Variants in ARHGAP42 observed in about 807,000 individuals in gnomAD.
ARHGAP42 encodes the protein rho GTPase-activating protein 42.
ARHGAP42 carries 63 observed loss-of-function variants against 125.0 expected under a neutral mutation model. The ratio of observed to expected loss-of-function variants is 0.50; its 90% CI spans 0.41 to 0.62. The LOEUF is 0.62. Among genes scored for constraint, ARHGAP42 ranks in the 20% least tolerant of loss-of-function variants. ARHGAP42 has a pLI of 0.00. For missense variants in ARHGAP42, 766 were observed against 1,024.2 expected, an observed-to-expected ratio of 0.75 and a Z score of 3.44; for synonymous variants, 339 against 351.0, an observed-to-expected ratio of 0.97 and a Z score of 0.38.
chr11:100,783,937 G>A (rs908345742), intron 2 of ARHGAP42, among the ~76,000 whole-genome samples: 1 of 151,976 alleles, frequency 6.6e-6, no homozygotes, highest in African/African-American at 2.4e-5. Flanking sequence ...ATAGAAGGGG[G>A]GTCAAAAAAT....
intron 3 of ARHGAP42, among the ~76,000 whole-genome samples, chr11:100,831,692 G>C (rs1864666847): frequency 1.3e-5 from 2 of 152,294 alleles, no homozygotes; most frequent in East Asian, 3.9e-4. Flanking sequence ...ATGGTGGTCT[G>C]TAGATAGGTT....
chr11:100,911,848 G>A (rs1866928078), intron 4 of ARHGAP42, among the ~76,000 whole-genome samples: 1 of 151,982 alleles, frequency 6.6e-6, no homozygotes, highest in Non-Finnish European at 1.5e-5. Context: ...GTTTATCTTG[G>A]TAGGACCACA....
Position 100,750,304 on chromosome 11 carries a change from C to T in ARHGAP42, c.155-20039C>T, listed in dbSNP as rs574990185. The stretch of plus-strand genomic sequence containing the variant: ...GGAAGGGGTTCTTATTCCTGATGCA[C>T]GTGGCCCCTGCTGCTGTGTCTTTCC... On this transcript the variant is annotated intron_variant, in intron 1 of 23. Coordinates refer to ENST00000298815, the MANE Select transcript of ARHGAP42 (RefSeq NM_152432.4). Among the ~76,000 whole-genome samples the T allele has an allele frequency of 5.3e-5, 8 of 152,224 alleles. No individual in the cohort carries two copies. In the East Asian group the frequency reaches 1.2e-3, roughly 22 times the overall value.
chr11:100,695,506 T>C (rs1206238040), intron 1 of ARHGAP42, among the ~76,000 whole-genome samples: 1 of 152,172 alleles, frequency 6.6e-6, no homozygotes. Flanking sequence ...GGTTTCACCA[T>C]GTTGGTCAGG....
At chr11:100,708,577 A>G (rs1445142890) in intron 1 of ARHGAP42, among the ~76,000 whole-genome samples, 2 of 152,212 alleles carry the variant, frequency 1.3e-5, no homozygotes, top group Non-Finnish European at 2.9e-5. Flanking sequence ...AGTGGATATT[A>G]TAATGACACT....
intron 1 of ARHGAP42, among the ~76,000 whole-genome samples, chr11:100,761,977 G>A (rs900205743): frequency 2.0e-5 from 3 of 152,242 alleles, no homozygotes; most frequent in Non-Finnish European, 1.5e-5. Context: ...ACACATGGCA[G>A]TAAGTGGTGA....
At chr11:100,967,958 G>A (rs1478780861) in intron 17 of ARHGAP42, among the ~76,000 whole-genome samples, 2 of 152,158 alleles carry the variant, frequency 1.3e-5, no homozygotes, top group Admixed American at 6.5e-5. Context: ...TCTTGACCTC[G>A]TGATGCACCC....
intron 9 of ARHGAP42, among the ~76,000 whole-genome samples, chr11:100,943,027 T>G (rs12418330): frequency 0.05 from 7,541 of 152,128 alleles, 327 homozygotes; most frequent in East Asian, 0.25. Context: ...GACTGGCATC[T>G]CAGTGACAAA....
intron 1 of ARHGAP42, among the ~76,000 whole-genome samples, chr11:100,751,654 G>T (rs1298376059): frequency 6.6e-6 from 1 of 151,560 alleles, no homozygotes; most frequent in East Asian, 1.9e-4. Flanking sequence ...AACACACTGA[G>T]GTCTTAACAC....
At chr11:100,844,714 A>G (rs561295162) in intron 3 of ARHGAP42, among the ~76,000 whole-genome samples, 2 of 145,776 alleles carry the variant, frequency 1.4e-5, no homozygotes, top group East Asian at 3.9e-4. Flanking sequence ...ACTAATGATC[A>G]GGGAAATGCA....
chr11:100,936,604 C>G (rs1300855740), intron 8 of ARHGAP42, among the ~76,000 whole-genome samples: 2 of 152,156 alleles, frequency 1.3e-5, no homozygotes, highest in South Asian at 4.1e-4. Flanking sequence ...TACTTAATCT[C>G]AACTTAAAGT....
rs949426040 is a variant in ARHGAP42, at chr11:100,941,871, C to G, written c.920C>G (p.Ser307Cys). ...ACAATGAGTGTTTCAGAAATGAAAT[C>G]CAGTGGGAAAATGGTGAGTTAGTTT... is the stretch of plus-strand genomic sequence containing the variant. ...TFTMSVSEMK[S>C]SGKMNGLVTS... is the part of the protein sequence containing the mutation. The change falls in exon 9 of 24, where the codon TCC becomes TGC. Residue 307 changes from serine (S) to cysteine (C), a missense_variant. Around this residue, in one of 3 missense-constraint regions of ARHGAP42, gnomAD observed 455 missense variants for 636.5 expected, o/e 0.71. Coordinates refer to ENST00000298815, the MANE Select transcript of ARHGAP42 (RefSeq NM_152432.4). 1.8e-5 allele frequency: 28 copies of G among 1,529,584 alleles called. No individual in the cohort carries two copies. The highest frequency in any genetic ancestry group is 3.5e-4 in the Middle Eastern group (2 of 5,694). The allele number at this position is 1,529,584 out of a possible 1,614,324, so 94.8% of individuals were successfully genotyped here.
At chr11:100,698,197 T>C (rs904383371) in intron 1 of ARHGAP42, among the ~76,000 whole-genome samples, 2 of 152,142 alleles carry the variant, frequency 1.3e-5, no homozygotes, top group Admixed American at 1.3e-4. Context: ...AGCCTTCAAC[T>C]GTTTTAAAAG....
At chr11:100,791,441 C>T (rs1054635740) in intron 2 of ARHGAP42, among the ~76,000 whole-genome samples, 11 of 152,052 alleles carry the variant, frequency 7.2e-5, no homozygotes, top group African/African-American at 2.7e-4. Flanking sequence ...TAACACAATA[C>T]TTTGATATTA....
chr11:100,909,955 G>A (rs1866864327), intron 4 of ARHGAP42, among the ~76,000 whole-genome samples: 1 of 152,166 alleles, frequency 6.6e-6, no homozygotes, highest in Non-Finnish European at 1.5e-5. Flanking sequence ...GACGCTTGGA[G>A]TTTGTGTTAC....
chr11:100,883,312 A>G (rs1866003969), intron 4 of ARHGAP42, among the ~76,000 whole-genome samples: 1 of 152,206 alleles, frequency 6.6e-6, no homozygotes, highest in Non-Finnish European at 1.5e-5. Context: ...ACAGCAACAC[A>G]GTATAAATGT....
intron 10 of ARHGAP42, among the ~76,000 whole-genome samples, chr11:100,946,821 G>A (rs114696710): frequency 0.011 from 1,624 of 152,112 alleles, 22 homozygotes; most frequent in African/African-American, 0.026. Context: ...ACAGAGACAC[G>A]ATGTGAGCAA....
At chr11:100,873,088 T>G (rs1384367936) in intron 4 of ARHGAP42, among the ~76,000 whole-genome samples, 1 of 152,062 alleles carries the variant, frequency 6.6e-6, no homozygotes, top group Non-Finnish European at 1.5e-5. Context: ...GCAGGTGCAA[T>G]ATAAAGACTG....
intron 12 of ARHGAP42, among the ~76,000 whole-genome samples, chr11:100,956,367 A>C (rs1270370282): frequency 1.3e-5 from 2 of 152,118 alleles, no homozygotes; most frequent in East Asian, 3.9e-4. Context: ...TTTATAGTAC[A>C]TGTCCATATA....
Sources: allele counts gnomAD v4.1 joint callset (sites outside exome capture counted in the v4.1 genomes callset), GRCh38; gene constraint gnomAD v4.1.1; regional missense constraint gnomAD v4.1.1; transcripts MANE v1.5; gene names NCBI Gene and HGNC (gene_info 2026-07-23, HGNC 2026-07-21).